RCVRN: variants seen among roughly 807,000 people sequenced by gnomAD.
RCVRN encodes the protein cancer associated retinopathy antigen.
A neutral mutation model predicts 20.4 loss-of-function variants in RCVRN; 23 were observed. The ratio of observed to expected loss-of-function variants is 1.13; its 90% CI spans 0.81 to 1.60. The LOEUF is 1.60. Ranked by LOEUF, RCVRN falls within the 40% of genes most tolerant of loss-of-function variation. The probability of loss-of-function intolerance (pLI) is 0.00; values close to 1 mark genes in which losing one functional copy is unlikely to be tolerated. For missense variants in RCVRN, 254 were observed against 254.2 expected (o/e 1.00, Z 0.00); for synonymous variants, 105 against 105.9 (o/e 0.99, Z 0.05).
In RCVRN at chr17:9,904,673, A is replaced by T; in HGVS notation, c.381+127T>A. ...CAGCATCTCGGAGCACCACGCTCTC[A>T]GAGCCAGTGGCCCGCATCCCCCGCT... On this transcript the variant is annotated intron_variant, in intron 1 of 2. Transcript: ENST00000226193. The surrounding 1 kb of genome is among the most constrained non-coding windows in gnomAD (Gnocchi z 5.8). The T allele has an allele frequency of 9.2e-7, 1 of 1,091,724 alleles. No individual in the cohort carries two copies. The highest frequency in any genetic ancestry group is 1.3e-6 in the Non-Finnish European group (1 of 751,798). The allele number at this position is 1,091,724 out of a possible 1,614,324, so 67.6% of individuals were successfully genotyped here. A position where few individuals can be genotyped will look rare whatever the true frequency, so the allele number is the denominator to read the frequency against.
At position 9,898,286 on chromosome 17, in the gene RCVRN, G is replaced by A. The variant is rs1055520190; in HGVS notation, c.494-82C>T. 4.8e-6 allele frequency: 4 copies of A among 827,430 alleles called. No individual in the cohort carries two copies. In the Admixed American group the frequency reaches 6.9e-5, roughly 14 times the overall value. The allele number at this position is 827,430 out of a possible 1,614,324, so 51.3% of individuals were successfully genotyped here. A position where few individuals can be genotyped will look rare whatever the true frequency, so the allele number is the denominator to read the frequency against. ...TGAGCTGCGATGAGGCTGACATCTA[G>A]CCAGTATCCCCAGTGTGAATGTATC... On this transcript the variant is annotated intron_variant, in intron 2 of 2. Transcript: ENST00000226193.
chr17:9,902,248 C>G (rs1383493595), intron 1 of RCVRN, among the ~76,000 whole-genome samples: 6 of 152,078 alleles, frequency 3.9e-5, no homozygotes, highest in Admixed American at 2.6e-4. Flanking sequence ...ACCCAGAGAC[C>G]CCACAGCCAA....
chr17:9,901,806 A>C (rs1237054921), intron 1 of RCVRN, among the ~76,000 whole-genome samples: 1 of 152,100 alleles, frequency 6.6e-6, no homozygotes, highest in East Asian at 1.9e-4. Flanking sequence ...AAATAATCAA[A>C]TCCTCACCCT....
In RCVRN at chr17:9,904,294, C is replaced by T. The variant is rs964060564; in HGVS notation, c.381+506G>A. ...TACAAAATGGTAGACCTGTCTAGGG[C>T]ACTCACCATGAGTGGAGCTTGCAGG... On this transcript the variant is annotated intron_variant, in intron 1 of 2. Transcript: ENST00000226193. The surrounding 1 kb of genome is among the most constrained non-coding windows in gnomAD (Gnocchi z 5.8). 6.6e-6 allele frequency among the ~76,000 whole-genome samples: 1 copy of T among 152,108 alleles called. No individual in the cohort carries two copies. The highest frequency in any genetic ancestry group is 2.1e-4 in the South Asian group (1 of 4,822).
At chr17:9,900,236 G>A (rs1333037460) in intron 2 of RCVRN, among the ~76,000 whole-genome samples, 1 of 152,088 alleles carries the variant, frequency 6.6e-6, no homozygotes, top group Non-Finnish European at 1.5e-5. Context: ...CCTAATACCA[G>A]CTCCTTTACC....
chr17:9,897,975 G>A lies in RCVRN; in HGVS notation c.*120C>T. 4.5e-6 allele frequency: 3 copies of A among 669,324 alleles called. No individual in the cohort carries two copies. The highest frequency in any genetic ancestry group is 2.6e-5 in the East Asian group (1 of 38,904). 41.5% of individuals were successfully genotyped at this position (669,324 alleles called of 1,614,324 possible). On this transcript the variant is annotated 3_prime_UTR_variant, in exon 3 of 3. Transcript: ENST00000226193. Reference sequence around the variant, plus strand: ...GTGTGCAGGCCTTTCTCTTGGCCCTGGGGTGGATGTGTGTGTGTGTGTGTG... The same window carrying A: ...GTGTGCAGGCCTTTCTCTTGGCCCTAGGGTGGATGTGTGTGTGTGTGTGTG...
At position 9,905,270 on chromosome 17, in the gene RCVRN, G is replaced by C; in HGVS notation, c.-90C>G. 1 of 1,346,448 alleles carries C rather than the reference G, an allele frequency of 7.4e-7. No individual in the cohort carries two copies. Among genetic ancestry groups the C allele is most frequent in the South Asian group, 1.5e-5 (1 of 68,188 alleles). The allele number at this position is 1,346,448 out of a possible 1,614,324, so 83.4% of individuals were successfully genotyped here. A position where few individuals can be genotyped will look rare whatever the true frequency, so the allele number is the denominator to read the frequency against. ...GCCGCAGGCTGGGCTCAAGGCTGGT[G>C]TGAGCTGAAGACCGAGATGCTGGTG... On this transcript the variant is annotated 5_prime_UTR_variant, in exon 1 of 3. Coordinates refer to ENST00000226193, the MANE Select transcript of RCVRN (RefSeq NM_002903.3).
chr17:9,898,899 C>T (rs1427592609), intron 2 of RCVRN, among the ~76,000 whole-genome samples: 5 of 152,136 alleles, frequency 3.3e-5, no homozygotes, highest in African/African-American at 9.7e-5. Context: ...AGCCTTGTTG[C>T]GCCCACACCT....
chr17:9,905,259 T>A lies in RCVRN; in HGVS notation c.-79A>T. 1 of 1,430,134 alleles carries A rather than the reference T, an allele frequency of 7.0e-7. No homozygotes were observed. Among genetic ancestry groups the A allele is most frequent in the Non-Finnish European group, 9.3e-7 (1 of 1,073,910 alleles). The allele number at this position is 1,430,134 out of a possible 1,614,324, so 88.6% of individuals were successfully genotyped here. A position where few individuals can be genotyped will look rare whatever the true frequency, so the allele number is the denominator to read the frequency against. On this transcript the variant is annotated 5_prime_UTR_variant, in exon 1 of 3. Transcript: ENST00000226193. ...GTGGTCCCCTGGCCGCAGGCTGGGC[T>A]CAAGGCTGGTGTGAGCTGAAGACCG...
chr17:9,901,987 A>G (rs1040748648), intron 1 of RCVRN, among the ~76,000 whole-genome samples: 3 of 151,828 alleles, frequency 2.0e-5, no homozygotes, highest in Non-Finnish European at 4.4e-5. Context: ...CCATTGATGG[A>G]GTCTCCCTCC....
rs1331541012 is a variant in RCVRN, at chr17:9,904,079, A to G, written c.381+721T>C. Among the ~76,000 whole-genome samples, 5 of 152,032 alleles carry G rather than the reference A, an allele frequency of 3.3e-5. No homozygotes were observed. Among genetic ancestry groups the G allele is most frequent in the African/African-American group, 1.2e-4 (5 of 41,398 alleles). On this transcript the variant is annotated intron_variant, in intron 1 of 2. Transcript: ENST00000226193. This position sits in a 1 kb window ranked among gnomAD's most constrained non-coding sequence, Gnocchi z 5.8. ...AACATGGTGAAACCCCGTCTCTACT[A>G]AAAATACAAAAATTAGCTAGGCATA...
rs924751841 is a variant in RCVRN, at chr17:9,899,118, T to A, written c.494-914A>T. Among the ~76,000 whole-genome samples, 4 of 152,186 alleles carry A rather than the reference T, an allele frequency of 2.6e-5. No individual in the cohort carries two copies. The highest frequency in any genetic ancestry group is 5.9e-5 in the Non-Finnish European group (4 of 68,024). On this transcript the variant is annotated intron_variant, in intron 2 of 2. Transcript: ENST00000226193. The surrounding 1 kb of genome is among the most constrained non-coding windows in gnomAD (Gnocchi z 4.6). Reference sequence around the variant, plus strand: ...AGGCAGTCACACGCAGAAATACCTCTAGCATGAGACAGATGCTCCTTTCTG... The same window carrying A: ...AGGCAGTCACACGCAGAAATACCTCAAGCATGAGACAGATGCTCCTTTCTG...
Position 9,901,029 on chromosome 17 carries a change from T to C in RCVRN, c.453A>G (p.Arg151=). The C allele has an allele frequency of 6.2e-7, 1 of 1,610,764 alleles. No homozygotes were observed. The highest frequency in any genetic ancestry group is 2.2e-5 in the East Asian group (1 of 44,772). The change falls in exon 2 of 3, where the codon CGA becomes CGG. Residue 151 remains arginine, a synonymous_variant. Transcript: ENST00000226193. ...LPDDENTPEK[R]AEKIWKYFGK... ...CAAAGTACTTCCAGATCTTCTCGGC[T>C]CGCTTTTCCGGCGTGTTTTCATCGT...
rs769519474 is a variant in RCVRN, at chr17:9,901,070, C to A, written c.412G>T (p.Val138Leu). 2 of 1,608,814 alleles carry A rather than the reference C, an allele frequency of 1.2e-6. No individual in the cohort carries two copies. The highest frequency in any genetic ancestry group is 4.5e-5 in the East Asian group (2 of 44,752). Residue 138 changes from valine to leucine, a missense_variant, in exon 2 of 3, where the codon GTG (valine) becomes TTG (leucine). Val to Leu is a conservative substitution (Grantham distance 32). Coordinates refer to ENST00000226193, the MANE Select transcript of RCVRN (RefSeq NM_002903.3). ...TTTTCATCGTCTGGAAGGAGCTTCACGTCCTCGGGAGTGATCATTTTGAAA... is the reference window on the plus strand; with the variant it reads ...TTTTCATCGTCTGGAAGGAGCTTCAAGTCCTCGGGAGTGATCATTTTGAAA... Reference protein sequence around the residue: ...AIFKMITPEDVKLLPDDENTP... With the variant: ...AIFKMITPEDLKLLPDDENTP...
rs1597413925 is a variant in RCVRN at position 9,897,670 on chromosome 17, C to A, written c.*425G>T. 1 of 169,424 alleles carries A rather than the reference C, an allele frequency of 5.9e-6. No individual in the cohort carries two copies. The allele number at this position is 169,424 out of a possible 1,614,324, so 10.5% of individuals were successfully genotyped here. A position where few individuals can be genotyped will look rare whatever the true frequency, so the allele number is the denominator to read the frequency against. On this transcript the variant is annotated 3_prime_UTR_variant, in exon 3 of 3. Transcript: ENST00000226193. ...TCTTTGAGGTGTGACTGATAGAAAT[C>A]ATTTCCTTTTCCAGTTGAAGGATGA... is the stretch of plus-strand genomic sequence containing the variant.
Position 9,902,261 on chromosome 17 carries a change from C to T in RCVRN, c.382-1161G>A, listed in dbSNP as rs116661966. On this transcript the variant is annotated intron_variant, in intron 1 of 2. Coordinates refer to ENST00000226193, the MANE Select transcript of RCVRN (RefSeq NM_002903.3). The stretch of plus-strand genomic sequence containing the variant: ...CCACCCAGAGACCCCACAGCCAATC[C>T]GAGGGAGCTTTCTCTGCAGGCTGTG... Among the ~76,000 whole-genome samples the T allele has an allele frequency of 7.8e-3, 1,182 of 152,216 alleles. 18 individuals carry two copies. Among genetic ancestry groups the T allele is most frequent in the African/African-American group, 0.027 (1,111 of 41,522 alleles).
chr17:9,904,852 T>A lies in RCVRN; in HGVS notation c.329A>T (p.Asp110Val), dbSNP rs375608273. The change falls in exon 1 of 3, where the codon GAC becomes GTC. Residue 110 changes from aspartate (D) to valine (V), a missense_variant. Asp to Val is a radical substitution (Grantham distance 152). Coordinates refer to ENST00000226193, the MANE Select transcript of RCVRN (RefSeq NM_002903.3). This position sits in a 1 kb window ranked among gnomAD's most constrained non-coding sequence, Gnocchi z 5.8. ...QKLEWAFSLY[D>V]VDGNGTISKN... Reference sequence around the variant, plus strand: ...GCTGATGGTCCCGTTACCGTCCACGTCGTAGAGGGAGAAGGCCCACTCCAG... The same window carrying A: ...GCTGATGGTCCCGTTACCGTCCACGACGTAGAGGGAGAAGGCCCACTCCAG... 6.2e-7 allele frequency: 1 copy of A among 1,614,094 alleles called. No individual in the cohort carries two copies. Among genetic ancestry groups the A allele is most frequent in the Non-Finnish European group, 8.5e-7 (1 of 1,180,002 alleles).
At chr17:9,900,488 C>A (rs946403155) in intron 2 of RCVRN, among the ~76,000 whole-genome samples, 3 of 151,590 alleles carry the variant, frequency 2.0e-5, no homozygotes, top group African/African-American at 7.2e-5. Context: ...TCTTTCCTAA[C>A]CTTCCTTTCT....
rs2067331044 is a variant in RCVRN, at chr17:9,899,086, G to A, written c.494-882C>T. ...CCCTCCCTGGGAAACTGTTGACCTG[G>A]CGGGGAAGGCAGTCACACGCAGAAA... is the stretch of plus-strand genomic sequence containing the variant. On this transcript the variant is annotated intron_variant, in intron 2 of 2. Transcript: ENST00000226193. The surrounding 1 kb of genome is among the most constrained non-coding windows in gnomAD (Gnocchi z 4.6). Among the ~76,000 whole-genome samples, 2 of 152,154 alleles carry A rather than the reference G, an allele frequency of 1.3e-5. No homozygotes were observed. The highest frequency in any genetic ancestry group is 2.4e-5 in the African/African-American group (1 of 41,438).
Sources: gnomAD v4.1 joint callset for allele counts (sites outside exome capture counted in the v4.1 genomes callset) on GRCh38, gnomAD v4.1.1 for gene constraint, Gnocchi (gnomAD v3.1) non-coding constraint, MANE v1.5 for transcripts, NCBI Gene and HGNC (gene_info 2026-07-23, HGNC 2026-07-21) for gene names.